Variants in SPMIP3 observed in about 807,000 individuals in gnomAD.
SPMIP3 encodes sperm microtubule inner protein 3, also known as protein SPMIP3.
chr1:244,353,451 C>T, the SPMIP3 span, among the ~76,000 whole-genome samples: 45 of 152,274 alleles, frequency 3.0e-4, no homozygotes, highest in Middle Eastern at 6.8e-3. Context: ...ATTTCTAGAA[C>T]CTTATCCAAA....
At chr1:244,361,235 C>CGTTTTTTTT in the SPMIP3 span, among the ~76,000 whole-genome samples, 1 of 119,314 alleles carries the variant, frequency 8.4e-6, no homozygotes, top group Non-Finnish European at 1.7e-5. Context: ...TTCTTTCTTT[C>CGTTTTTTTT]TTTTTTTTTT....
At chr1:244,356,885 C>A in the SPMIP3 span, among the ~76,000 whole-genome samples, 37 of 150,842 alleles carry the variant, frequency 2.5e-4, no homozygotes, top group African/African-American at 8.3e-4. Context: ...ACAAAATAGA[C>A]AACCCTTCCC....
At chr1:244,378,096 C>T in the SPMIP3 span, among the ~76,000 whole-genome samples, 4 of 152,266 alleles carry the variant, frequency 2.6e-5, no homozygotes, top group South Asian at 8.3e-4. Context: ...CGTGAGCCAC[C>T]ACACCAGGCC....
the SPMIP3 span, among the ~76,000 whole-genome samples, chr1:244,353,480 A>G: frequency 6.6e-6 from 1 of 152,348 alleles, no homozygotes; most frequent in East Asian, 1.9e-4. Flanking sequence ...GAGAGTTGTC[A>G]CTAATTTTTC....
the SPMIP3 span, among the ~76,000 whole-genome samples, chr1:244,367,710 C>T: frequency 5.3e-5 from 8 of 152,084 alleles, no homozygotes; most frequent in South Asian, 1.0e-3. Context: ...CCCGGACTCC[C>T]GGCCAGGTCC....
chr1:244,356,966 A>C, the SPMIP3 span, among the ~76,000 whole-genome samples: 1 of 121,574 alleles, frequency 8.2e-6, no homozygotes, highest in African/African-American at 3.3e-5. Flanking sequence ...TCTGTAACCC[A>C]GGCTGGATTG....
chr1:244,378,131 A>G, the SPMIP3 span, among the ~76,000 whole-genome samples: 1 of 152,088 alleles, frequency 6.6e-6, no homozygotes, highest in African/African-American at 2.4e-5. Context: ...GAAGCAACAA[A>G]CATCCGCAGA....
the SPMIP3 span, among the ~76,000 whole-genome samples, chr1:244,373,474 T>C: frequency 6.6e-6 from 1 of 150,786 alleles, no homozygotes; most frequent in East Asian, 2.0e-4. Flanking sequence ...CACTATAGCC[T>C]GGGCAACAGT....
chr1:244,388,881 A>G, the SPMIP3 span: 2 of 1,237,984 alleles, frequency 1.6e-6, no homozygotes, highest in Non-Finnish European at 2.4e-6. Flanking sequence ...ACAACTGCTA[A>G]AAGGACAGTG....
the SPMIP3 span, among the ~76,000 whole-genome samples, chr1:244,366,128 C>G: frequency 6.6e-6 from 1 of 151,936 alleles, no homozygotes; most frequent in Non-Finnish European, 1.5e-5. Context: ...CTCCTGTAGC[C>G]CCGTTGGCTT....
the SPMIP3 span, among the ~76,000 whole-genome samples, chr1:244,380,882 G>A: frequency 9.2e-5 from 14 of 152,104 alleles, no homozygotes; most frequent in African/African-American, 2.6e-4. Flanking sequence ...GGTGGCAATA[G>A]CCATGGGGGC....
At chr1:244,386,931 A>T in the SPMIP3 span, among the ~76,000 whole-genome samples, 1 of 152,248 alleles carries the variant, frequency 6.6e-6, no homozygotes, top group Non-Finnish European at 1.5e-5. Flanking sequence ...TTGAGATGGC[A>T]ATATCAGTGT....
the SPMIP3 span, chr1:244,378,688 G>A: frequency 3.9e-6 from 6 of 1,557,788 alleles, no homozygotes; most frequent in African/African-American, 6.8e-5. Flanking sequence ...CCTTGCCTGG[G>A]CCACAGATTA....
the SPMIP3 span, among the ~76,000 whole-genome samples, chr1:244,381,139 T>C: frequency 0.49 from 73,965 of 151,514 alleles, 18,530 homozygotes; most frequent in South Asian, 0.63. Flanking sequence ...TTGACACGGG[T>C]TAGGGCTGAA....
the SPMIP3 span, among the ~76,000 whole-genome samples, chr1:244,356,547 G>A: frequency 6.6e-6 from 1 of 152,240 alleles, no homozygotes; most frequent in South Asian, 2.1e-4. Context: ...ACACCAATGT[G>A]ATAAAAACTT....
At chr1:244,373,898 G>T in the SPMIP3 span, among the ~76,000 whole-genome samples, 2 of 152,054 alleles carry the variant, frequency 1.3e-5, no homozygotes, top group South Asian at 4.2e-4. Flanking sequence ...CGGATCACTT[G>T]AGGCCAGGAG....
the SPMIP3 span, among the ~76,000 whole-genome samples, chr1:244,374,639 C>T: frequency 7.5e-6 from 1 of 132,590 alleles, no homozygotes; most frequent in Non-Finnish European, 1.5e-5. Flanking sequence ...CACTGTTGCC[C>T]AGGCTGGAGT....
chr1:244,387,270 C>G, the SPMIP3 span, among the ~76,000 whole-genome samples: 8 of 151,638 alleles, frequency 5.3e-5, no homozygotes, highest in Non-Finnish European at 1.2e-4. Context: ...TGCGCTCCAG[C>G]CTGGCCGACA....
the SPMIP3 span, among the ~76,000 whole-genome samples, chr1:244,355,867 G>T: frequency 1.3e-5 from 2 of 152,086 alleles, no homozygotes; most frequent in Non-Finnish European, 2.9e-5. Context: ...ATAGTTTTCA[G>T]CATACAAATC....
Sources: allele counts gnomAD v4.1 joint callset (sites outside exome capture counted in the v4.1 genomes callset), GRCh38; gene constraint gnomAD v4.1.1; transcripts MANE v1.5; gene names NCBI Gene and HGNC (gene_info 2026-07-23, HGNC 2026-07-21).